The following BCO1 variants were observed in gnomAD, a reference collection of about 807,000 sequenced individuals.
The protein encoded by BCO1 is beta,beta-carotene 15,15'-dioxygenase.
In BCO1, 54 loss-of-function variants were observed where a neutral mutation model predicts 56.3. The ratio of observed to expected loss-of-function variants is 0.96; its 90% confidence interval spans 0.77 to 1.20. BCO1 has a LOEUF of 1.20. Among genes scored for constraint, BCO1 ranks in the 50% most tolerant of loss-of-function variants. BCO1 has a pLI of 0.00. For missense variants in BCO1, 801 were observed against 690.9 expected (o/e 1.16, Z -1.79); for synonymous variants, 318 against 266.1 (o/e 1.20, Z -1.90).
chr16:81,282,935 A>G (rs2150643216), intron 8 of BCO1, among the ~76,000 whole-genome samples: 1 of 152,260 alleles, frequency 6.6e-6, no homozygotes, highest in South Asian at 2.1e-4. Context: ...TCAAGGGCTT[A>G]GTGTGGGGTC....
intron 4 of BCO1, 33 bp from the exon 5 acceptor site, chr16:81,264,607 A>C (rs531622003): frequency 1.2e-6 from 2 of 1,612,118 alleles, no homozygotes; most frequent in African/African-American, 2.7e-5. Context: ...TATCGTAAAT[A>C]CTTTAAAAAA....
intron 7 of BCO1, among the ~76,000 whole-genome samples, chr16:81,274,778 T>TGAGGCA (rs1277226513): frequency 6.6e-6 from 1 of 152,088 alleles, no homozygotes; most frequent in Non-Finnish European, 1.5e-5. Context: ...CTCAGGAGGC[T>TGAGGCA]GAGGCAGGAG....
intron 8 of BCO1, among the ~76,000 whole-genome samples, chr16:81,285,272 G>A (rs1015175787): frequency 2.0e-5 from 3 of 152,200 alleles, no homozygotes; most frequent in South Asian, 4.1e-4. Flanking sequence ...TGATTTCTAT[G>A]TTGGATAATT....
At chr16:81,253,058 G>A (rs1905908112) in intron 2 of BCO1, among the ~76,000 whole-genome samples, 2 of 152,070 alleles carry the variant, frequency 1.3e-5, no homozygotes, top group African/African-American at 2.4e-5. Context: ...GCAGTGAGCC[G>A]AGATCGCACT....
rs548879479 is a variant in BCO1 at position 81,291,084 on chromosome 16, T to C, written c.*507T>C. On this transcript the variant is annotated 3_prime_UTR_variant, in exon 11 of 11. Coordinates refer to ENST00000258168, the MANE Select transcript of BCO1 (RefSeq NM_017429.3). ...ACATGACCAGGAAGGTTATGCCACT[T>C]TGTGGTCATTCCATGCAAGTCATGG... The C allele has an allele frequency of 1.9e-5, 3 of 155,424 alleles. No individual in the cohort carries two copies. The highest frequency in any genetic ancestry group is 1.9e-4 in the East Asian group (1 of 5,272). 9.6% of individuals were successfully genotyped at this position (155,424 alleles called of 1,614,324 possible).
chr16:81,251,384 C>A (rs977331924), intron 2 of BCO1, among the ~76,000 whole-genome samples: 1 of 151,840 alleles, frequency 6.6e-6, no homozygotes, highest in Non-Finnish European at 1.5e-5. Context: ...CATAGTGAGA[C>A]CTGGTACCTA....
At chr16:81,276,802 C>T (rs1037266657) in intron 7 of BCO1, among the ~76,000 whole-genome samples, 4 of 152,016 alleles carry the variant, frequency 2.6e-5, no homozygotes, top group African/African-American at 9.7e-5. Context: ...CATGGTGGCT[C>T]ACGCGTGTAA....
intron 2 of BCO1, among the ~76,000 whole-genome samples, chr16:81,252,409 C>A (rs1268648211): frequency 2.0e-5 from 3 of 152,096 alleles, no homozygotes; most frequent in Non-Finnish European, 4.4e-5. Flanking sequence ...ACACCCGGCA[C>A]CATGCCCAGC....
chr16:81,262,407 G>A (rs547912806), intron 4 of BCO1, 124 bp downstream of exon 4: 23 of 1,025,598 alleles, frequency 2.2e-5, no homozygotes, highest in Non-Finnish European at 3.5e-5. Flanking sequence ...TAACACCGTT[G>A]GATCCCGTGC....
In BCO1 at chr16:81,285,782, C is replaced by T. The variant is rs1908145444; in HGVS notation, c.1302+148C>T. On this transcript the variant is annotated intron_variant, in intron 9 of 10. Coordinates refer to ENST00000258168, the MANE Select transcript of BCO1 (RefSeq NM_017429.3). ...AAAATAAATTTGAAGTAAGGATGTT[C>T]AGCTGGGAGAGGGAGTGGTACCTAA... 3 of 711,282 alleles carry T rather than the reference C, an allele frequency of 4.2e-6. No individual in the cohort carries two copies. In the Admixed American group the frequency reaches 6.1e-5, roughly 15 times the overall value. The allele number at this position is 711,282 out of a possible 1,614,324, so 44.1% of individuals were successfully genotyped here.
chr16:81,258,868 T>C (rs543340955), intron 2 of BCO1, among the ~76,000 whole-genome samples: 11 of 152,278 alleles, frequency 7.2e-5, no homozygotes, highest in South Asian at 6.2e-4. Flanking sequence ...GTTTGGTTTC[T>C]GGCGAGGGCC....
intron 2 of BCO1, among the ~76,000 whole-genome samples, chr16:81,249,105 T>C (rs1452219529): frequency 1.3e-5 from 2 of 149,352 alleles, no homozygotes; most frequent in Non-Finnish European, 3.0e-5. Flanking sequence ...TTTTTTTTTT[T>C]TTTGAGATGG....
chr16:81,262,707 A>C (rs561404312), intron 4 of BCO1: 1 of 315,254 alleles, frequency 3.2e-6, no homozygotes, highest in East Asian at 8.1e-5. Context: ...ATGTGCCTGT[A>C]ATCCCAGCTA....
At chr16:81,243,728 A>G (rs769377030) in intron 1 of BCO1, among the ~76,000 whole-genome samples, 33 of 152,100 alleles carry the variant, frequency 2.2e-4, no homozygotes, top group Admixed American at 1.2e-3. Context: ...CTCACCTCCC[A>G]AAGTGCTGGG....
At chr16:81,271,406 T>G (rs1156398750) in intron 7 of BCO1, among the ~76,000 whole-genome samples, 6 of 152,162 alleles carry the variant, frequency 3.9e-5, no homozygotes, top group Non-Finnish European at 7.4e-5. Context: ...TGAGCCACCA[T>G]GCCTGGCCTA....
intron 2 of BCO1, among the ~76,000 whole-genome samples, chr16:81,246,788 T>C (rs1472473325): frequency 6.8e-6 from 1 of 146,248 alleles, no homozygotes; most frequent in East Asian, 2.0e-4. Context: ...GAAGCAGAGG[T>C]TGCAGTGAGC....
intron 4 of BCO1, 100 bp downstream of exon 4, chr16:81,262,383 G>C: frequency 7.5e-7 from 1 of 1,338,058 alleles, no homozygotes; most frequent in Non-Finnish European, 1.1e-6. Context: ...AGCTTACCAG[G>C]GGAGCCCCTC....
intron 10 of BCO1, among the ~76,000 whole-genome samples, chr16:81,289,327 A>G (rs1217508885): frequency 2.0e-5 from 3 of 152,264 alleles, no homozygotes; most frequent in African/African-American, 4.8e-5. Flanking sequence ...CATGTGCAAG[A>G]GATGAATTGG....
At chr16:81,247,746 G>C (rs539990727) in intron 2 of BCO1, among the ~76,000 whole-genome samples, 48 of 152,040 alleles carry the variant, frequency 3.2e-4, no homozygotes, top group Middle Eastern at 3.4e-3. Flanking sequence ...GGCTGTTCTC[G>C]AACTTCCAAC....
Sources: gnomAD v4.1 joint callset for allele counts (sites outside exome capture counted in the v4.1 genomes callset) on GRCh38, gnomAD v4.1.1 for gene constraint, MANE v1.5 for transcripts, NCBI Gene and HGNC (gene_info 2026-07-23, HGNC 2026-07-21) for gene names.